FCSK: variants seen among roughly 807,000 people sequenced by gnomAD.
The protein encoded by FCSK is L-fucose kinase.
Under a neutral mutation model 122.5 loss-of-function variants are expected in FCSK, and 123 were observed. The ratio of observed to expected loss-of-function variants is 1.00; its 90% CI spans 0.87 to 1.17. The LOEUF (loss-of-function observed/expected upper bound fraction) is 1.17. Among genes scored for constraint, FCSK ranks in the 50% most tolerant of loss-of-function variants. The probability of loss-of-function intolerance (pLI) is 0.00; values close to 1 mark genes in which losing one functional copy is unlikely to be tolerated. For missense variants in FCSK, 1,366 were observed against 1,450.4 expected (o/e 0.94, Z 0.95); for synonymous variants, 620 against 625.5 (o/e 0.99, Z 0.13).
At chr16:70,462,235 C>T (rs1369069825) in intron 1 of FCSK, 1 of 152,126 alleles carries the variant, frequency 6.6e-6, no homozygotes, top group East Asian at 1.9e-4. Context: ...GCAGCCTTAA[C>T]CTCCTGGGCT....
intron 11 of FCSK, 115 bp downstream of exon 11, chr16:70,470,541 C>T: frequency 1.5e-6 from 1 of 686,534 alleles, no homozygotes; most frequent in Admixed American, 2.5e-5. Flanking sequence ...GCAGGTGTTA[C>T]CCTGGTTTAC....
rs761976898 is a variant in FCSK at position 70,479,285 on chromosome 16, T to C, written c.3035T>C (p.Leu1012Pro). ...ACTGTGCGGCGTATGATGGATGTCCTGGCCCCCCACGTGCATGGCCAGAGC... is the reference window on the plus strand; with the variant it reads ...ACTGTGCGGCGTATGATGGATGTCCCGGCCCCCCACGTGCATGGCCAGAGC... ...PLTVRRMMDVLAPHVHGQSLA... is the reference protein window; with the variant it reads ...PLTVRRMMDVPAPHVHGQSLA... The change falls in exon 23 of 24, where the codon CTG (leucine) becomes CCG (proline). Residue 1012 changes from leucine (L) to proline (P), a missense_variant. Physicochemically the swap from Leu to Pro is moderately conservative, Grantham distance 98. Transcript: ENST00000288078. The C allele has an allele frequency of 1.6e-5, 26 of 1,613,910 alleles. No homozygotes were observed. In the East Asian group the frequency reaches 5.8e-4, roughly 36 times the overall value.
rs1443696694 is a variant in FCSK, at chr16:70,468,987, C to T, written c.783+19C>T. The T allele has an allele frequency of 1.2e-6, 2 of 1,611,930 alleles. No homozygotes were observed. The highest frequency in any genetic ancestry group is 2.2e-5 in the South Asian group (2 of 91,058). On this transcript the variant is annotated intron_variant, in intron 9 of 23. Coordinates refer to ENST00000288078, the MANE Select transcript of FCSK (RefSeq NM_145059.3). ...TGTCCAGGTGACTGGGGGAGGGCAG[C>T]TAGGTGGGGCCTGGCTTGGGGGCGA...
chr16:70,463,844 A>G, intron 3 of FCSK, 70 bp downstream of exon 3: 2 of 1,492,660 alleles, frequency 1.3e-6, no homozygotes, highest in East Asian at 4.9e-5. Flanking sequence ...TGAGATCCCC[A>G]GCTCCTCTGG....
intron 2 of FCSK, among the ~76,000 whole-genome samples, 161 bp downstream of exon 2, chr16:70,463,433 C>T (rs1024338868): frequency 2.0e-5 from 3 of 152,156 alleles, no homozygotes; most frequent in African/African-American, 7.2e-5. Flanking sequence ...TTCCTTGTGC[C>T]TTAGTTTTCT....
chr16:70,460,104 C>G (rs1597601105), intron 1 of FCSK, among the ~76,000 whole-genome samples: 1 of 126,496 alleles, frequency 7.9e-6, no homozygotes, highest in Non-Finnish European at 1.6e-5. Context: ...CGTCTAGCCT[C>G]TTTTTTTTTT....
intron 20 of FCSK, chr16:70,477,913 C>T (rs1041997022): frequency 3.3e-5 from 7 of 211,150 alleles, no homozygotes; most frequent in Admixed American, 2.6e-4. Context: ...AAACTCCTGA[C>T]CTCAAATGAT....
chr16:70,459,214 C>A (rs1217306743), intron 1 of FCSK, among the ~76,000 whole-genome samples: 1 of 141,052 alleles, frequency 7.1e-6, no homozygotes, highest in African/African-American at 3.0e-5. Context: ...CAGATTGAGA[C>A]CCTGTCTTTA....
chr16:70,463,655 C>G lies in FCSK; in HGVS notation c.115C>G (p.Pro39Ala). Residue 39 changes from proline to alanine, a missense_variant, in exon 3 of 24, where the codon CCT (proline) becomes GCT (alanine). Coordinates refer to ENST00000288078, the MANE Select transcript of FCSK (RefSeq NM_145059.3). ...LEVRQKREQI[P>A]AGTLLLAVED... ...AGTGCGGCAGAAGCGGGAGCAGATC[C>G]CTGCTGGGACGCTGTTACTGGCCGT... is the stretch of plus-strand genomic sequence containing the variant. The G allele has an allele frequency of 6.2e-7, 1 of 1,613,456 alleles. No individual in the cohort carries two copies. The highest frequency in any genetic ancestry group is 8.5e-7 in the Non-Finnish European group (1 of 1,180,026).
Position 70,479,758 on chromosome 16 carries a change from C to A in FCSK, c.*78C>A, listed in dbSNP as rs1204810608. On this transcript the variant is annotated 3_prime_UTR_variant, in exon 24 of 24. Coordinates refer to ENST00000288078, the MANE Select transcript of FCSK (RefSeq NM_145059.3). ...CTTCCTTGCCCCATGGGAACCTCCA[C>A]CTCCTACTCCCCACCCACCTCTGCG... 3 of 1,063,436 alleles carry A rather than the reference C, an allele frequency of 2.8e-6. No homozygotes were observed. In the African/African-American group the frequency reaches 4.7e-5, roughly 17 times the overall value. 65.9% of individuals were successfully genotyped at this position (1,063,436 alleles called of 1,614,324 possible).
intron 1 of FCSK, among the ~76,000 whole-genome samples, chr16:70,457,499 C>T (rs2048126117): frequency 1.3e-5 from 2 of 152,152 alleles, no homozygotes; most frequent in African/African-American, 4.8e-5. Context: ...AAGTGATCTG[C>T]CCACTTTGGC....
chr16:70,469,374 A>AC (rs1180634269), intron 10 of FCSK, 51 bp downstream of exon 10: 2 of 1,513,668 alleles, frequency 1.3e-6, no homozygotes, highest in Admixed American at 3.9e-5. Flanking sequence ...GGGAGTGAGG[A>AC]CCCCAAGAAT....
At chr16:70,476,729 C>T (rs1018979550) in intron 20 of FCSK, among the ~76,000 whole-genome samples, 5 of 152,332 alleles carry the variant, frequency 3.3e-5, no homozygotes, top group Non-Finnish European at 7.4e-5. Context: ...TCAAGCCTCA[C>T]ATTTCACTGT....
intron 22 of FCSK, chr16:70,478,958 T>TC (rs904738817): frequency 2.2e-5 from 15 of 675,244 alleles, no homozygotes; most frequent in African/African-American, 3.5e-5. Flanking sequence ...GCTTCACAGC[T>TC]CCCTAGATGC....
rs1275248024 is a variant in FCSK at position 70,473,483 on chromosome 16, T to G, written c.1777+130T>G. On this transcript the variant is annotated intron_variant, in intron 15 of 23. Coordinates refer to ENST00000288078, the MANE Select transcript of FCSK (RefSeq NM_145059.3). This position sits in a 1 kb window ranked among gnomAD's most constrained non-coding sequence, Gnocchi z 4.9. ...AGCAGGGAAGGGGCATGCTGGAGTT[T>G]ACTTTTAGGATTCTGGAAGGCCTCA... 8.7e-7 allele frequency: 1 copy of G among 1,148,700 alleles called. No homozygotes were observed. The highest frequency in any genetic ancestry group is 2.7e-5 in the East Asian group (1 of 36,558). The allele number at this position is 1,148,700 out of a possible 1,614,324, so 71.2% of individuals were successfully genotyped here.
At chr16:70,469,424 A>T in intron 10 of FCSK, 101 bp downstream of exon 10, 4 of 1,153,866 alleles carry the variant, frequency 3.5e-6, no homozygotes, top group Non-Finnish European at 4.8e-6. Context: ...AGCCCAGCAC[A>T]GGGACTGGGC....
Position 70,462,470 on chromosome 16 carries a change from C to A in FCSK, c.-22-699C>A, listed in dbSNP as rs373387295. Among the ~76,000 whole-genome samples, 93 of 152,312 alleles carry A rather than the reference C, an allele frequency of 6.1e-4. No individual in the cohort carries two copies. In the East Asian group the frequency reaches 0.017, roughly 28 times the overall value. On this transcript the variant is annotated intron_variant, in intron 1 of 23. Transcript: ENST00000288078. ...CTTCCTGAGTAGCTGGAACTACAGG[C>A]ACACGCCACCACGCCTGCCTAATTT...
At position 70,473,445 on chromosome 16, in the gene FCSK, C is replaced by T; in HGVS notation, c.1777+92C>T. The T allele has an allele frequency of 4.4e-6, 6 of 1,360,890 alleles. No individual in the cohort carries two copies. In the South Asian group the frequency reaches 9.4e-5, roughly 21 times the overall value. The allele number at this position is 1,360,890 out of a possible 1,614,324, so 84.3% of individuals were successfully genotyped here. A position where few individuals can be genotyped will look rare whatever the true frequency, so the allele number is the denominator to read the frequency against. ...CCATCCCCTGAGGGGACTAGGGGACCATGAGGTGCTCAAGCAGGGAAGGGG... is the reference window on the plus strand; with the variant it reads ...CCATCCCCTGAGGGGACTAGGGGACTATGAGGTGCTCAAGCAGGGAAGGGG... On this transcript the variant is annotated intron_variant, in intron 15 of 23. Coordinates refer to ENST00000288078, the MANE Select transcript of FCSK (RefSeq NM_145059.3). This position sits in a 1 kb window ranked among gnomAD's most constrained non-coding sequence, Gnocchi z 4.9.
intron 5 of FCSK, chr16:70,466,529 CA>C: frequency 6.3e-6 from 3 of 477,096 alleles, no homozygotes; most frequent in Middle Eastern, 5.8e-4. Flanking sequence ...CCCATCTCTA[CA>C]AAAAAATTTT....
Sources: allele counts gnomAD v4.1 joint callset (sites outside exome capture counted in the v4.1 genomes callset), GRCh38; gene constraint gnomAD v4.1.1; non-coding constraint Gnocchi (gnomAD v3.1); transcripts MANE v1.5; gene names NCBI Gene and HGNC (gene_info 2026-07-23, HGNC 2026-07-21).